Variants in EPS15L1 observed in about 807,000 individuals in gnomAD.
The protein encoded by EPS15L1 is epidermal growth factor receptor pathway substrate 15 like 1.
A neutral mutation model predicts 117.1 loss-of-function variants in EPS15L1; 43 were observed. That is an observed-to-expected ratio of 0.37 (90% confidence interval 0.29 to 0.47). EPS15L1 has a LOEUF of 0.47. EPS15L1 is among the 20% of genes least tolerant of loss of function. The probability of loss-of-function intolerance (pLI) is 0.99; values close to 1 mark genes in which losing one functional copy is unlikely to be tolerated. For synonymous variants in EPS15L1, 459 were observed against 470.5 expected, an observed-to-expected ratio of 0.98 and a Z score of 0.32; for missense variants, 981 against 1,164.0, an observed-to-expected ratio of 0.84 and a Z score of 2.29.
chr19:16,395,037 C>T (rs1424811615), intron 17 of EPS15L1, among the ~76,000 whole-genome samples: 1 of 151,878 alleles, frequency 6.6e-6, no homozygotes, highest in Non-Finnish European at 1.5e-5. Flanking sequence ...CTGGGCAACA[C>T]AGTGAAACCC....
At chr19:16,395,911 C>T in intron 16 of EPS15L1, among the ~76,000 whole-genome samples, 1 of 149,062 alleles carries the variant, frequency 6.7e-6, no homozygotes, top group East Asian at 2.0e-4. Flanking sequence ...CGCCATTGCG[C>T]TCCAGCCTGG....
Position 16,371,870 on chromosome 19 carries a change from C to T in EPS15L1, c.2380+5252G>A, listed in dbSNP as rs1029633780. ...TCTCCGGTCCGTTGCAGAAAATATA[C>T]CATTGTTTACCTGGGGGAGGTGTGT... On this transcript the variant is annotated intron_variant, in intron 22 of 23. Transcript: ENST00000455140. This position sits in a 1 kb window ranked among gnomAD's most constrained non-coding sequence, Gnocchi z 4.7. 6.6e-6 allele frequency among the ~76,000 whole-genome samples: 1 copy of T among 152,206 alleles called. No individual in the cohort carries two copies. Among genetic ancestry groups the T allele is most frequent in the African/African-American group, 2.4e-5 (1 of 41,442 alleles).
intron 20 of EPS15L1, 118 bp downstream of exon 20, chr19:16,386,053 T>C (rs2092417728): frequency 7.6e-6 from 6 of 784,564 alleles, no homozygotes; most frequent in Non-Finnish European, 1.3e-5. Context: ...TGGGTGCCAC[T>C]GACTGATGAC....
At chr19:16,400,808 T>C (rs1425168491) in intron 16 of EPS15L1, 1 of 985,324 alleles carries the variant, frequency 1.0e-6, no homozygotes, top group Admixed American at 6.2e-5. Context: ...AATCTGTCTT[T>C]GGAGTTGGGG....
At chr19:16,372,307 A>G (rs1324233263) in intron 22 of EPS15L1, among the ~76,000 whole-genome samples, 1 of 152,208 alleles carries the variant, frequency 6.6e-6, no homozygotes, top group Non-Finnish European at 1.5e-5. Flanking sequence ...GTGCACCCAC[A>G]CTGCATGCCA....
At chr19:16,374,787 C>T (rs1056255231) in intron 22 of EPS15L1, among the ~76,000 whole-genome samples, 11 of 152,342 alleles carry the variant, frequency 7.2e-5, no homozygotes, top group Admixed American at 2.0e-4. Context: ...TATGAGAATA[C>T]GTGCACATGT....
intron 17 of EPS15L1, among the ~76,000 whole-genome samples, chr19:16,394,632 G>C (rs1312200589): frequency 6.6e-6 from 1 of 152,186 alleles, no homozygotes; most frequent in African/African-American, 2.4e-5. Context: ...TCTTGACTCA[G>C]GTGTGGCTCT....
chr19:16,434,511 C>T lies in EPS15L1; in HGVS notation c.373-21G>A, dbSNP rs199906791. On this transcript the variant is annotated intron_variant, in intron 6 of 23. Transcript: ENST00000455140. Reference sequence around the variant, plus strand: ...TCCACCTAGTTGGAAAGAAATAGCCCGAGTAAGTAGGAGAGCACACCTGTG... The same window carrying T: ...TCCACCTAGTTGGAAAGAAATAGCCTGAGTAAGTAGGAGAGCACACCTGTG... 10 of 1,608,982 alleles carry T rather than the reference C, an allele frequency of 6.2e-6. No homozygotes were observed. The highest frequency in any genetic ancestry group is 1.3e-5 in the African/African-American group (1 of 74,786).
intron 19 of EPS15L1, among the ~76,000 whole-genome samples, chr19:16,390,091 TAA>T (rs921594770): frequency 6.7e-6 from 1 of 148,174 alleles, no homozygotes; most frequent in African/African-American, 2.5e-5. Flanking sequence ...GACTGGATTT[TAA>T]AAAAAAAAGC....
chr19:16,441,290 G>C (rs1396314153), intron 3 of EPS15L1: 2 of 247,028 alleles, frequency 8.1e-6, no homozygotes, highest in Admixed American at 4.9e-5. Context: ...GGCTAACACA[G>C]TGAAACCCCG....
chr19:16,426,841 T>C (rs1359067314), intron 8 of EPS15L1, among the ~76,000 whole-genome samples: 3 of 152,156 alleles, frequency 2.0e-5, no homozygotes, highest in African/African-American at 4.8e-5. Flanking sequence ...TAGATAATAA[T>C]AGACACGCTC....
chr19:16,444,588 C>T (rs941766326), intron 1 of EPS15L1, among the ~76,000 whole-genome samples: 7 of 152,184 alleles, frequency 4.6e-5, no homozygotes, highest in Non-Finnish European at 1.0e-4. Context: ...GTAAAGGTGA[C>T]AGTGGTCAGG....
chr19:16,361,907 C>T lies in EPS15L1; in HGVS notation c.2458G>A (p.Asp820Asn). The T allele has an allele frequency of 6.2e-7, 1 of 1,614,102 alleles. No individual in the cohort carries two copies. The highest frequency in any genetic ancestry group is 8.5e-7 in the Non-Finnish European group (1 of 1,180,032). ...APDPFQPLGA[D>N]SGDPFQSKKG... ...TTACTTTGGAACGGGTCGCCGCTGTCAGCCCCGAGTGGCTGGAATGGATCG... is the reference window on the plus strand; with the variant it reads ...TTACTTTGGAACGGGTCGCCGCTGTTAGCCCCGAGTGGCTGGAATGGATCG... The change falls in exon 23 of 24, where the codon GAC (aspartate) becomes AAC (asparagine). Residue 820 changes from aspartate (D) to asparagine (N), a missense_variant. By Grantham distance (23) the Asp-to-Asn change is conservative. Coordinates refer to ENST00000455140, the MANE Select transcript of EPS15L1 (RefSeq NM_001258374.3).
chr19:16,464,202 T>C (rs976146490), intron 1 of EPS15L1, among the ~76,000 whole-genome samples: 1 of 152,218 alleles, frequency 6.6e-6, no homozygotes, highest in Non-Finnish European at 1.5e-5. Flanking sequence ...GAGACAAATG[T>C]CTGTGGTCAT....
chr19:16,453,415 T>A (rs2093165024), intron 1 of EPS15L1, among the ~76,000 whole-genome samples: 1 of 152,100 alleles, frequency 6.6e-6, no homozygotes, highest in Non-Finnish European at 1.5e-5. Flanking sequence ...ACTTTTAATG[T>A]GTTTAAAGGC....
chr19:16,448,550 G>C lies in EPS15L1; in HGVS notation c.34-6331C>G, dbSNP rs368232459. ...CAAAATTCCGTATTAAAAAAAAAGG[G>C]GGGGGGAGAAAGGCCGGGCGCGGTG... On this transcript the variant is annotated intron_variant, in intron 1 of 23. Transcript: ENST00000455140. Among the ~76,000 whole-genome samples, 39 of 143,202 alleles carry C rather than the reference G, an allele frequency of 2.7e-4. 2 individuals are homozygous for C. Among genetic ancestry groups the C allele is most frequent in the African/African-American group, 7.9e-4 (30 of 37,854 alleles). 93.9% of individuals were successfully genotyped at this position (143,202 alleles called of 152,430 possible).
At chr19:16,434,533 T>C (rs1222005722) in intron 6 of EPS15L1, 43 bp from the exon 7 acceptor site, 1 of 1,594,334 alleles carries the variant, frequency 6.3e-7, no homozygotes, top group Non-Finnish European at 8.5e-7. Context: ...AGAGCACACC[T>C]GTGTGAATGT....
chr19:16,378,661 C>T (rs1407192863), intron 21 of EPS15L1, among the ~76,000 whole-genome samples: 1 of 152,114 alleles, frequency 6.6e-6, no homozygotes, highest in Admixed American at 6.5e-5. Flanking sequence ...TACTAAGCGC[C>T]GCCACCTGGG....
intron 1 of EPS15L1, among the ~76,000 whole-genome samples, chr19:16,470,575 CTTAACAG>C (rs1297601019): frequency 1.4e-5 from 2 of 145,998 alleles, no homozygotes; most frequent in Non-Finnish European, 3.0e-5. Flanking sequence ...CGGTAGGACA[CTTAACAG>C]TTTACAGAGC....
Sources: allele counts gnomAD v4.1 joint callset (sites outside exome capture counted in the v4.1 genomes callset), GRCh38; gene constraint gnomAD v4.1.1; non-coding constraint Gnocchi (gnomAD v3.1); transcripts MANE v1.5; gene names NCBI Gene and HGNC (gene_info 2026-07-23, HGNC 2026-07-21).